The following RSL1D1 variants were observed in gnomAD, a reference collection of about 807,000 sequenced individuals.
RSL1D1 encodes the protein ribosomal L1 domain-containing protein 1.
Under a neutral mutation model 44.6 loss-of-function variants are expected in RSL1D1, and 34 were observed. That is an observed-to-expected ratio of 0.76 (90% CI 0.58 to 1.02). The LOEUF is 1.02. Among genes scored for constraint, RSL1D1 ranks in the 50% least tolerant of loss-of-function variants. The pLI is 0.00. For missense variants in RSL1D1, 767 were observed against 568.1 expected (o/e 1.35, Z -3.56); for synonymous variants, 271 against 207.4 (o/e 1.31, Z -2.63).
At chr16:11,847,847 C>A (rs2053810389) in intron 2 of RSL1D1, 41 bp from the exon 3 acceptor site, 1 of 1,586,692 alleles carries the variant, frequency 6.3e-7, no homozygotes, top group Admixed American at 1.7e-5. Flanking sequence ...AGCATTATTA[C>A]ACACATTATG....
chr16:11,850,184 T>C (rs2053827263), intron 2 of RSL1D1, 95 bp downstream of exon 2: 1 of 1,231,150 alleles, frequency 8.1e-7, no homozygotes. Context: ...ATTATAAGTT[T>C]GCAAAGTTTC....
intron 5 of RSL1D1, among the ~76,000 whole-genome samples, chr16:11,844,203 G>C (rs2053783347): frequency 6.6e-6 from 1 of 152,360 alleles, no homozygotes. Context: ...TGGGGGGGAA[G>C]AAGGGAGAGG....
chr16:11,847,181 G>C (rs2141254734), intron 3 of RSL1D1, among the ~76,000 whole-genome samples: 1 of 152,260 alleles, frequency 6.6e-6, no homozygotes, highest in South Asian at 2.1e-4. Flanking sequence ...TTCAAGACCA[G>C]CCTGGCCAAC....
chr16:11,840,369 C>T (rs2053756897), intron 7 of RSL1D1, among the ~76,000 whole-genome samples: 1 of 152,164 alleles, frequency 6.6e-6, no homozygotes, highest in Admixed American at 6.5e-5. Flanking sequence ...ACTTCGAGAT[C>T]AGCCTGGTAA....
rs377718934 is a variant in RSL1D1, at chr16:11,851,403, C to G, written c.105+5G>C. 149 of 1,613,838 alleles carry G rather than the reference C, an allele frequency of 9.2e-5. No homozygotes were observed. In the African/African-American group the frequency reaches 1.7e-3, roughly 19 times the overall value. On this transcript the variant is annotated splice_donor_5th_base_variant and intron_variant, in intron 1 of 8. Coordinates refer to ENST00000571133, the MANE Select transcript of RSL1D1 (RefSeq NM_015659.3). The stretch of plus-strand genomic sequence containing the variant: ...TCCAAGCCACCCTCCCCAGGAACCA[C>G]TCACCTGTTCTTTATCCAGCTGCTT...
In RSL1D1 at chr16:11,839,830, C is replaced by T. The variant is rs1596438647; in HGVS notation, c.1011G>A (p.Lys337=). 9 of 1,614,094 alleles carry T rather than the reference C, an allele frequency of 5.6e-6. No homozygotes were observed. The change falls in exon 8 of 9, where the codon AAG becomes AAA. Residue 337 remains lysine (K), a synonymous_variant. Coordinates refer to ENST00000571133, the MANE Select transcript of RSL1D1 (RefSeq NM_015659.3). ...DTTVKKPESK[K]EQTPEHGKKK... Reference sequence around the variant, plus strand: ...TCTTCCCATGCTCTGGGGTCTGTTCCTTCTTTGATTCAGGTTTCTTCACTG... The same window carrying T: ...TCTTCCCATGCTCTGGGGTCTGTTCTTTCTTTGATTCAGGTTTCTTCACTG...
chr16:11,849,898 C>A (rs1269782477), intron 2 of RSL1D1, among the ~76,000 whole-genome samples: 1 of 152,062 alleles, frequency 6.6e-6, no homozygotes, highest in Non-Finnish European at 1.5e-5. Context: ...GTCGCCTAGG[C>A]TGGAGTGCAA....
In RSL1D1 at chr16:11,836,934, G is replaced by C. The variant is rs951259635; in HGVS notation, c.*853C>G. On this transcript the variant is annotated 3_prime_UTR_variant, in exon 9 of 9. Transcript: ENST00000571133. ...TCACAGACCTCAAGTCAGACCCACT[G>C]ATTTGGAAAGCCAACAGTATACTCA... is the stretch of plus-strand genomic sequence containing the variant. 1.3e-5 allele frequency: 2 copies of C among 152,228 alleles called. No homozygotes were observed. The highest frequency in any genetic ancestry group is 2.9e-5 in the Non-Finnish European group (2 of 68,054). 9.4% of individuals were successfully genotyped at this position (152,228 alleles called of 1,614,324 possible).
rs2053802430 is a variant in RSL1D1 at position 11,846,846 on chromosome 16, A to T, written c.385-3T>A. 11 of 1,600,052 alleles carry T rather than the reference A, an allele frequency of 6.9e-6. No individual in the cohort carries two copies. Among genetic ancestry groups the T allele is most frequent in the Non-Finnish European group, 9.4e-6 (11 of 1,168,408 alleles). On this transcript the variant is annotated splice_region_variant and splice_polypyrimidine_tract_variant and intron_variant, in intron 3 of 8. Coordinates refer to ENST00000571133, the MANE Select transcript of RSL1D1 (RefSeq NM_015659.3). ...TTTAGAGTTTGGAGGGAGATAATCT[A>T]GGAAGTATAGAGAAGAATAAAAACA... is the stretch of plus-strand genomic sequence containing the variant.
At chr16:11,844,229 G>C (rs1437476042) in intron 5 of RSL1D1, among the ~76,000 whole-genome samples, 2 of 152,192 alleles carry the variant, frequency 1.3e-5, no homozygotes, top group Admixed American at 1.3e-4. Context: ...AAGTGGAAGA[G>C]GAAAATAAAT....
chr16:11,847,582 T>C, intron 3 of RSL1D1, 86 bp downstream of exon 3: 1 of 1,116,432 alleles, frequency 9.0e-7, no homozygotes. Context: ...AGAAAAATAC[T>C]AGGAAATATA....
chr16:11,848,947 T>G (rs1212156115), intron 2 of RSL1D1, among the ~76,000 whole-genome samples: 1 of 152,004 alleles, frequency 6.6e-6, no homozygotes, highest in Non-Finnish European at 1.5e-5. Flanking sequence ...CTGGCTAATT[T>G]TTGTATTTTT....
At chr16:11,848,631 C>A (rs1214230535) in intron 2 of RSL1D1, among the ~76,000 whole-genome samples, 2 of 152,154 alleles carry the variant, frequency 1.3e-5, no homozygotes, top group African/African-American at 4.8e-5. Flanking sequence ...AGACTCCAGG[C>A]ACGTACCAGT....
intron 1 of RSL1D1, 87 bp from the exon 2 acceptor site, chr16:11,850,505 T>C: frequency 7.2e-7 from 1 of 1,387,846 alleles, no homozygotes; most frequent in South Asian, 1.3e-5. Flanking sequence ...TAATTTAGCA[T>C]TTGCCCCCTC....
rs2053801500 is a variant in RSL1D1 at position 11,846,739 on chromosome 16, C to T, written c.489G>A (p.Arg163=). The T allele has an allele frequency of 1.2e-6, 2 of 1,614,110 alleles. No homozygotes were observed. Among genetic ancestry groups the T allele is most frequent in the African/African-American group, 1.3e-5 (1 of 75,060 alleles). ...DFFLTDARIR[R]LLPSLIGRHF... is the part of the protein sequence containing the mutation. ...GTCTCCCAATGAGTGAGGGTAAGAG[C>T]CGCCTAATTCTGGCATCAGTAAGGA... The change falls in exon 4 of 9, where the codon CGG becomes CGA. Residue 163 remains arginine (R), a synonymous_variant. Coordinates refer to ENST00000571133, the MANE Select transcript of RSL1D1 (RefSeq NM_015659.3).
At chr16:11,847,387 T>TA (rs2053806459) in intron 3 of RSL1D1, among the ~76,000 whole-genome samples, 4 of 151,960 alleles carry the variant, frequency 2.6e-5, no homozygotes, top group African/African-American at 4.8e-5. Flanking sequence ...CAAAAAAACT[T>TA]AGATACCTTA....
In RSL1D1 at chr16:11,836,677, CT is replaced by C. The variant is rs2053722169; in HGVS notation, c.*1109del. 6.6e-6 allele frequency: 1 copy of C among 152,182 alleles called. No homozygotes were observed. The highest frequency in any genetic ancestry group is 2.4e-5 in the African/African-American group (1 of 41,444). The allele number at this position is 152,182 out of a possible 1,614,324, so 9.4% of individuals were successfully genotyped here. ...CGGTAGGTAGGATTCAATTTAGTCC[CT>C]GTATAAATGACTCCATGTTAATTTC... On this transcript the variant is annotated 3_prime_UTR_variant, in exon 9 of 9. Coordinates refer to ENST00000571133, the MANE Select transcript of RSL1D1 (RefSeq NM_015659.3).
chr16:11,840,898 A>T (rs1191020675), intron 7 of RSL1D1, among the ~76,000 whole-genome samples: 1 of 152,162 alleles, frequency 6.6e-6, no homozygotes, highest in Non-Finnish European at 1.5e-5. Flanking sequence ...CTTTTCCCTG[A>T]GCTATCAGGA....
At chr16:11,846,364 C>G (rs1163004343) in intron 5 of RSL1D1, 137 bp downstream of exon 5, 3 of 541,660 alleles carry the variant, frequency 5.5e-6, no homozygotes, top group Non-Finnish European at 9.5e-6. Flanking sequence ...CACTGCACTC[C>G]AGCCTGGCAG....
Sources: gnomAD v4.1 joint callset for allele counts (sites outside exome capture counted in the v4.1 genomes callset) on GRCh38, gnomAD v4.1.1 for gene constraint, MANE v1.5 for transcripts, NCBI Gene and HGNC (gene_info 2026-07-23, HGNC 2026-07-21) for gene names.